Variants in COL26A1 observed in about 807,000 individuals in gnomAD.
The protein encoded by COL26A1 is collagen alpha-1(XXVI) chain.
COL26A1 carries 41 observed loss-of-function variants against 59.3 expected under a neutral mutation model. That is an observed-to-expected ratio of 0.69 (90% CI 0.54 to 0.90). The LOEUF is 0.90. Among genes scored for constraint, COL26A1 ranks in the 40% least tolerant of loss-of-function variants. COL26A1 has a pLI of 0.00. For missense variants in COL26A1, 612 were observed against 602.3 expected, an observed-to-expected ratio of 1.02 and a Z score of -0.17; for synonymous variants, 266 against 256.0, an observed-to-expected ratio of 1.04 and a Z score of -0.37.
intron 1 of COL26A1, among the ~76,000 whole-genome samples, chr7:101,368,481 G>A (rs1791102228): frequency 6.6e-6 from 1 of 152,326 alleles, no homozygotes; most frequent in South Asian, 2.1e-4. Flanking sequence ...GCAGAGCAGG[G>A]ATACCCCATA....
At chr7:101,526,196 C>G (rs780416599) in intron 3 of COL26A1, among the ~76,000 whole-genome samples, 1 of 151,956 alleles carries the variant, frequency 6.6e-6, no homozygotes, top group African/African-American at 2.4e-5. Context: ...TTACAGGTGC[C>G]CGCCACCACA....
chr7:101,399,076 A>G (rs570175806), intron 1 of COL26A1, among the ~76,000 whole-genome samples: 72 of 152,070 alleles, frequency 4.7e-4, no homozygotes, highest in Admixed American at 2.0e-3. Context: ...AGGACGAGGG[A>G]GGAGGATTGC....
At chr7:101,385,386 T>TATATA (rs58580713) in intron 1 of COL26A1, among the ~76,000 whole-genome samples, 4 of 149,748 alleles carry the variant, frequency 2.7e-5, no homozygotes, top group East Asian at 2.0e-4. Flanking sequence ...TATATATATA[T>TATATA]TTGTGACGGA....
At chr7:101,384,328 C>T (rs7795756) in intron 1 of COL26A1, among the ~76,000 whole-genome samples, 8,021 of 151,374 alleles carry the variant, frequency 0.053, 252 homozygotes, top group East Asian at 0.086. Flanking sequence ...CCTCCGCCTC[C>T]GGGGTTCAAA....
chr7:101,457,580 C>T (rs1343103744), intron 3 of COL26A1, among the ~76,000 whole-genome samples: 1 of 152,140 alleles, frequency 6.6e-6, no homozygotes, highest in South Asian at 2.1e-4. Context: ...AGCAAAGACC[C>T]CCAGCGTGTG....
At chr7:101,401,552 T>A (rs1388325932) in intron 1 of COL26A1, among the ~76,000 whole-genome samples, 2 of 89,762 alleles carry the variant, frequency 2.2e-5, no homozygotes, top group South Asian at 3.5e-4. Flanking sequence ...AGAGGAAGAG[T>A]AGGAGGAAGA....
intron 3 of COL26A1, among the ~76,000 whole-genome samples, chr7:101,466,795 GGTGTGTGTGTGT>G (rs59942660): frequency 8.0e-5 from 10 of 125,240 alleles, no homozygotes; most frequent in East Asian, 7.0e-4. Flanking sequence ...GGCATGTTCT[GGTGTGTGTGTGT>G]GTGTGTGTGT....
At chr7:101,534,914 G>A (rs1484555031) in intron 4 of COL26A1, among the ~76,000 whole-genome samples, 1 of 152,204 alleles carries the variant, frequency 6.6e-6, no homozygotes, top group African/African-American at 2.4e-5. Flanking sequence ...GTGGGAACCG[G>A]CTTTGGAAAT....
intron 3 of COL26A1, among the ~76,000 whole-genome samples, chr7:101,526,226 T>C (rs1008821555): frequency 1.3e-5 from 2 of 152,042 alleles, no homozygotes; most frequent in Admixed American, 6.6e-5. Flanking sequence ...TTTTTGTATT[T>C]TTAGTAGAGA....
intron 3 of COL26A1, among the ~76,000 whole-genome samples, chr7:101,528,448 C>T (rs1795294685): frequency 1.3e-5 from 2 of 152,100 alleles, no homozygotes; most frequent in African/African-American, 4.8e-5. Flanking sequence ...CCCTCAGGCC[C>T]CAAGGGTGGG....
intron 1 of COL26A1, among the ~76,000 whole-genome samples, chr7:101,390,279 C>T (rs1350999483): frequency 6.6e-6 from 1 of 151,094 alleles, no homozygotes; most frequent in Non-Finnish European, 1.5e-5. Flanking sequence ...CCTCAGCCTC[C>T]CGAGTAGCTG....
chr7:101,554,776 A>T (rs1795932246), intron 11 of COL26A1, among the ~76,000 whole-genome samples: 1 of 151,788 alleles, frequency 6.6e-6, no homozygotes, highest in South Asian at 2.1e-4. Flanking sequence ...AAACAAAAAC[A>T]AAAAAACCAA....
chr7:101,403,880 G>A (rs1209948161), intron 1 of COL26A1, among the ~76,000 whole-genome samples: 1 of 152,174 alleles, frequency 6.6e-6, no homozygotes, highest in Non-Finnish European at 1.5e-5. Flanking sequence ...CAGGTCACTT[G>A]AGGTCAGGAG....
At chr7:101,496,604 G>A (rs1389924561) in intron 3 of COL26A1, among the ~76,000 whole-genome samples, 1 of 152,160 alleles carries the variant, frequency 6.6e-6, no homozygotes, top group Non-Finnish European at 1.5e-5. Flanking sequence ...GACCCCAAGA[G>A]AGGGTTCTTG....
chr7:101,481,152 C>G (rs551887414), intron 3 of COL26A1, among the ~76,000 whole-genome samples: 10 of 152,166 alleles, frequency 6.6e-5, no homozygotes, highest in African/African-American at 2.4e-4. Context: ...ACGTTGTTCC[C>G]TCACTCTGCT....
chr7:101,467,297 C>T (rs555294373), intron 3 of COL26A1, among the ~76,000 whole-genome samples: 1 of 151,614 alleles, frequency 6.6e-6, no homozygotes, highest in African/African-American at 2.4e-5. Context: ...GAACAGCCCT[C>T]CCTCCTGCAG....
chr7:101,459,336 G>A (rs1396324119), intron 3 of COL26A1, among the ~76,000 whole-genome samples: 1 of 151,834 alleles, frequency 6.6e-6, no homozygotes, highest in Non-Finnish European at 1.5e-5. Context: ...GTCTCGCTCT[G>A]TCACCAGGCT....
At chr7:101,413,222 GAA>G (rs1433357051) in intron 1 of COL26A1, among the ~76,000 whole-genome samples, 1 of 151,978 alleles carries the variant, frequency 6.6e-6, no homozygotes, top group African/African-American at 2.4e-5. Context: ...CCTCTTGCAA[GAA>G]AAAGAGACTT....
chr7:101,491,166 C>A (rs911068330), intron 3 of COL26A1, among the ~76,000 whole-genome samples: 3 of 152,068 alleles, frequency 2.0e-5, no homozygotes, highest in Non-Finnish European at 4.4e-5. Context: ...ATGCTCCCCC[C>A]TGCACGGCAT....
Sources: gnomAD v4.1 joint callset for allele counts (sites outside exome capture counted in the v4.1 genomes callset) on GRCh38, gnomAD v4.1.1 for gene constraint, MANE v1.5 for transcripts, NCBI Gene and HGNC (gene_info 2026-07-23, HGNC 2026-07-21) for gene names.